The following NELL1 variants were observed in gnomAD, a reference collection of about 807,000 sequenced individuals.
The protein encoded by NELL1 is neural EGFL like 1.
A neutral mutation model predicts 107.4 loss-of-function variants in NELL1; 76 were observed. That is an observed-to-expected ratio of 0.71 (90% CI 0.59 to 0.86). The LOEUF is 0.86. NELL1 is among the 40% of genes least tolerant of loss of function. NELL1 has a pLI of 0.00. For synonymous variants in NELL1, 353 were observed against 341.2 expected, an observed-to-expected ratio of 1.03 and a Z score of -0.38; for missense variants, 1,024 against 1,005.5, an observed-to-expected ratio of 1.02 and a Z score of -0.25.
chr11:20,896,682 T>C (rs1433725368), intron 5 of NELL1, among the ~76,000 whole-genome samples: 1 of 152,112 alleles, frequency 6.6e-6, no homozygotes, highest in Admixed American at 6.5e-5. Flanking sequence ...CAGCCCAGAA[T>C]CTCCTTAAGC....
intron 12 of NELL1, among the ~76,000 whole-genome samples, chr11:21,002,996 T>G (rs1852256494): frequency 6.6e-6 from 1 of 151,592 alleles, no homozygotes; most frequent in African/African-American, 2.4e-5. Flanking sequence ...AATATTAAAT[T>G]AATATTTCAT....
In NELL1 at chr11:20,960,107, A is replaced by C. The variant is rs563241436; in HGVS notation, c.1172-325A>C. Reference sequence around the variant, plus strand: ...TAATTTTATTACTCTTTGTATTATAAATTTTACAAGAAAACAAAATTATAA... The same window carrying C: ...TAATTTTATTACTCTTTGTATTATACATTTTACAAGAAAACAAAATTATAA... On this transcript the variant is annotated intron_variant, in intron 11 of 19. Coordinates refer to ENST00000357134, the MANE Select transcript of NELL1 (RefSeq NM_006157.5). Among the ~76,000 whole-genome samples, 5 of 152,102 alleles carry C rather than the reference A, an allele frequency of 3.3e-5. No individual in the cohort carries two copies. The South Asian group carries it at 1.0e-3, about 31-fold the overall frequency.
chr11:21,313,285 T>G (rs1438484926), intron 14 of NELL1, among the ~76,000 whole-genome samples: 1 of 152,082 alleles, frequency 6.6e-6, no homozygotes, highest in East Asian at 1.9e-4. Context: ...TTCCATGTCT[T>G]TAACTTTTTT....
chr11:21,247,277 CTTA>C (rs1858517541), intron 14 of NELL1, among the ~76,000 whole-genome samples: 1 of 152,104 alleles, frequency 6.6e-6, no homozygotes, highest in Non-Finnish European at 1.5e-5. Flanking sequence ...TTAACTTTAG[CTTA>C]TTATACCTTT....
chr11:21,176,922 C>T (rs1001405901), intron 13 of NELL1, among the ~76,000 whole-genome samples: 4 of 151,552 alleles, frequency 2.6e-5, no homozygotes, highest in Non-Finnish European at 5.9e-5. Context: ...GGAGTGATAA[C>T]ATGTTATTTG....
At chr11:21,567,528 G>T (rs1856999176) in intron 17 of NELL1, among the ~76,000 whole-genome samples, 1 of 151,804 alleles carries the variant, frequency 6.6e-6, no homozygotes, top group African/African-American at 2.4e-5. Flanking sequence ...GGAACACTAT[G>T]ATTTCTTGTT....
intron 9 of NELL1, chr11:20,935,867 G>A (rs1190542561): frequency 1.3e-5 from 2 of 152,414 alleles, no homozygotes; most frequent in Admixed American, 6.6e-5. Context: ...TGTGTAAGAG[G>A]GAGAGGTTAG....
chr11:20,771,694 A>G (rs4923027), intron 2 of NELL1, among the ~76,000 whole-genome samples: 142,715 of 152,210 alleles, frequency 0.94, 67,603 homozygotes, highest in East Asian at 1. Flanking sequence ...GGAAAAATCT[A>G]TCTGGTGCTG....
At chr11:20,703,586 C>T (rs375801565) in intron 2 of NELL1, among the ~76,000 whole-genome samples, 22 of 152,004 alleles carry the variant, frequency 1.4e-4, no homozygotes, top group Non-Finnish European at 2.8e-4. Context: ...GTTCTTTTAA[C>T]TGTGATGTTA....
At chr11:20,691,320 G>A (rs1854460107) in intron 2 of NELL1, among the ~76,000 whole-genome samples, 1 of 151,138 alleles carries the variant, frequency 6.6e-6, no homozygotes, top group African/African-American at 2.4e-5. Flanking sequence ...CCAACACTAT[G>A]TTGAATAGGA....
At chr11:21,223,868 T>G (rs1590748337) in intron 13 of NELL1, among the ~76,000 whole-genome samples, 1 of 152,352 alleles carries the variant, frequency 6.6e-6, no homozygotes, top group Admixed American at 6.5e-5. Context: ...GATGAATTTC[T>G]TCAGTTTTTG....
rs548780729 is a variant in NELL1, at chr11:21,569,752, G to T, written c.1981-1012G>T. Among the ~76,000 whole-genome samples the T allele has an allele frequency of 7.9e-5, 12 of 151,900 alleles. No homozygotes were observed. In the East Asian group the frequency reaches 2.3e-3, roughly 30 times the overall value. On this transcript the variant is annotated intron_variant, in intron 17 of 19. Coordinates refer to ENST00000357134, the MANE Select transcript of NELL1 (RefSeq NM_006157.5). ...TTTACATTATAACATGTACAGAGATGCACACTGAATTCTCTCCATAGTGAT... is the reference window on the plus strand; with the variant it reads ...TTTACATTATAACATGTACAGAGATTCACACTGAATTCTCTCCATAGTGAT...
intron 13 of NELL1, among the ~76,000 whole-genome samples, chr11:21,164,336 A>T (rs1314857899): frequency 6.6e-6 from 1 of 152,156 alleles, no homozygotes; most frequent in Non-Finnish European, 1.5e-5. Context: ...AGAGGATAAG[A>T]TGGCTAAGTT....
chr11:21,027,021 T>C (rs1250329349), intron 12 of NELL1, among the ~76,000 whole-genome samples: 1 of 152,120 alleles, frequency 6.6e-6, no homozygotes, highest in Non-Finnish European at 1.5e-5. Flanking sequence ...CTGGGAAAGA[T>C]TAACAAGCAT....
At chr11:20,740,959 C>A (rs1014639779) in intron 2 of NELL1, among the ~76,000 whole-genome samples, 4 of 151,970 alleles carry the variant, frequency 2.6e-5, no homozygotes, top group African/African-American at 9.7e-5. Flanking sequence ...TCTGATGTTC[C>A]CTTTCTGCTT....
intron 14 of NELL1, among the ~76,000 whole-genome samples, chr11:21,317,334 A>C (rs1434009021): frequency 1.6e-5 from 1 of 62,592 alleles, no homozygotes; most frequent in East Asian, 4.2e-4. Context: ...TGCTGTGATC[A>C]TCCTGGCACA....
chr11:20,909,602 G>A (rs910504680), intron 5 of NELL1, among the ~76,000 whole-genome samples: 1 of 90,004 alleles, frequency 1.1e-5, no homozygotes, highest in Admixed American at 1.1e-4. Context: ...AGCCAATGAA[G>A]TTACTCTCTT....
At chr11:21,430,888 A>G (rs1200143137) in intron 15 of NELL1, among the ~76,000 whole-genome samples, 1 of 152,154 alleles carries the variant, frequency 6.6e-6, no homozygotes, top group Non-Finnish European at 1.5e-5. Context: ...AAGCAACTTT[A>G]GTATAGCTCT....
intron 17 of NELL1, among the ~76,000 whole-genome samples, chr11:21,566,284 A>G (rs950559195): frequency 1.1e-4 from 16 of 151,846 alleles, no homozygotes; most frequent in Admixed American, 1.3e-4. Flanking sequence ...TCAAAACTCT[A>G]TGGCAGAAAA....
Sources: allele counts gnomAD v4.1 joint callset (sites outside exome capture counted in the v4.1 genomes callset), GRCh38; gene constraint gnomAD v4.1.1; transcripts MANE v1.5; gene names NCBI Gene and HGNC (gene_info 2026-07-23, HGNC 2026-07-21).